HPSE2: variants seen among roughly 807,000 people sequenced by gnomAD.
HPSE2 encodes the protein inactive heparanase-2.
HPSE2 carries 38 observed loss-of-function variants against 60.5 expected under a neutral mutation model. That is an observed-to-expected ratio of 0.63 (90% confidence interval 0.48 to 0.82). The LOEUF is 0.82. Ranked by LOEUF, HPSE2 falls within the 40% of genes least tolerant of loss-of-function variation. The probability of loss-of-function intolerance (pLI) is 0.00; values close to 1 mark genes in which losing one functional copy is unlikely to be tolerated. For synonymous variants in HPSE2, 295 were observed against 293.2 expected (o/e 1.01, Z -0.06); for missense variants, 713 against 740.4 (o/e 0.96, Z 0.43).
intron 3 of HPSE2, among the ~76,000 whole-genome samples, chr10:98,987,795 G>C (rs1451188333): frequency 2.0e-5 from 3 of 152,210 alleles, no homozygotes; most frequent in East Asian, 3.9e-4. Flanking sequence ...CTTCAGCAAA[G>C]TCTCAGCATA....
chr10:98,609,594 T>A (rs1172417357), intron 9 of HPSE2, among the ~76,000 whole-genome samples: 3 of 152,230 alleles, frequency 2.0e-5, no homozygotes, highest in Non-Finnish European at 4.4e-5. Flanking sequence ...ATTTTCTACA[T>A]GTATGTATAT....
At chr10:98,794,941 G>T (rs1403562353) in intron 3 of HPSE2, among the ~76,000 whole-genome samples, 6 of 136,564 alleles carry the variant, frequency 4.4e-5, no homozygotes, top group Non-Finnish European at 7.8e-5. Flanking sequence ...TTCTTTCCTT[G>T]TTCAAAACTG....
chr10:98,864,781 C>A (rs1306343276), intron 3 of HPSE2, among the ~76,000 whole-genome samples: 2 of 152,102 alleles, frequency 1.3e-5, no homozygotes, highest in African/African-American at 4.8e-5. Flanking sequence ...ATTAAGCCTG[C>A]AAAGTTTTGC....
the HPSE2 span, among the ~76,000 whole-genome samples, chr10:99,277,782 T>C: frequency 6.6e-6 from 1 of 152,066 alleles, no homozygotes; most frequent in South Asian, 2.1e-4. Context: ...CAGCTTAACA[T>C]GTGTGGACCT....
intron 3 of HPSE2, among the ~76,000 whole-genome samples, chr10:98,874,692 T>C (rs1313173803): frequency 6.6e-6 from 1 of 152,076 alleles, no homozygotes; most frequent in Non-Finnish European, 1.5e-5. Context: ...TTGTGCCGGT[T>C]TTCAAAGGCA....
intron 9 of HPSE2, among the ~76,000 whole-genome samples, chr10:98,610,050 C>T (rs1201416708): frequency 6.6e-6 from 1 of 152,008 alleles, no homozygotes; most frequent in Non-Finnish European, 1.5e-5. Context: ...ACTATGTTAG[C>T]CAGGATGGTC....
intron 3 of HPSE2, among the ~76,000 whole-genome samples, chr10:98,992,145 G>T (rs910672887): frequency 1.3e-5 from 2 of 152,112 alleles, no homozygotes; most frequent in African/African-American, 4.8e-5. Context: ...CATATGTAAG[G>T]CAACTTTTAA....
chr10:98,818,538 T>G (rs1162714238), intron 3 of HPSE2, among the ~76,000 whole-genome samples: 1 of 152,154 alleles, frequency 6.6e-6, no homozygotes, highest in Non-Finnish European at 1.5e-5. Flanking sequence ...CATGGACCAG[T>G]ACCCCTCTGT....
intron 3 of HPSE2, among the ~76,000 whole-genome samples, chr10:98,852,113 A>ATATATATGTGTGTGTGTGTGTGTGTG (rs779720749): frequency 3.3e-5 from 3 of 91,926 alleles, no homozygotes; most frequent in Admixed American, 1.1e-4. Flanking sequence ...GTATATTATG[A>ATATATATGTGTGTGTGTGTGTGTGTG]TGTGTGTGTG....
chr10:99,302,215 T>C, the HPSE2 span, among the ~76,000 whole-genome samples: 130,463 of 152,076 alleles, frequency 0.86, 56,345 homozygotes, highest in African/African-American at 0.93. Context: ...GCCCTCCAAT[T>C]AGGAAAAGAC....
At chr10:98,613,831 G>A (rs565935881) in intron 9 of HPSE2, among the ~76,000 whole-genome samples, 1 of 152,296 alleles carries the variant, frequency 6.6e-6, no homozygotes, top group Non-Finnish European at 1.5e-5. Flanking sequence ...GAAATTCTAT[G>A]ACTTGATGAG....
intron 3 of HPSE2, among the ~76,000 whole-genome samples, chr10:99,132,163 A>G (rs1564832423): frequency 5.5e-4 from 3 of 5,432 alleles, no homozygotes; most frequent in Non-Finnish European, 2.2e-3. Context: ...GAAAGAAAGA[A>G]AGAAAGAAAG....
chr10:98,641,709 A>G (rs1408486745), intron 7 of HPSE2, 138 bp downstream of exon 7: 16 of 753,590 alleles, frequency 2.1e-5, no homozygotes, highest in Non-Finnish European at 2.9e-5. Context: ...GCTTGTGACC[A>G]TGCCCATCTA....
chr10:98,683,339 A>G (rs965712008), intron 6 of HPSE2, among the ~76,000 whole-genome samples: 3 of 151,972 alleles, frequency 2.0e-5, no homozygotes, highest in Admixed American at 6.6e-5. Context: ...AGGAAATAAC[A>G]GTAATTCAGG....
intron 9 of HPSE2, among the ~76,000 whole-genome samples, chr10:98,530,970 C>T (rs1376490253): frequency 6.6e-6 from 1 of 152,150 alleles, no homozygotes; most frequent in Non-Finnish European, 1.5e-5. Flanking sequence ...TCTCTACTCC[C>T]CTCCCTGCCT....
intron 7 of HPSE2, among the ~76,000 whole-genome samples, chr10:98,628,785 G>T (rs973499187): frequency 1.3e-5 from 2 of 151,962 alleles, no homozygotes; most frequent in African/African-American, 4.8e-5. Flanking sequence ...CAGGGCTGGG[G>T]ACTATGAGTA....
chr10:99,188,163 T>TA (rs1848096986), intron 2 of HPSE2, among the ~76,000 whole-genome samples: 1 of 152,100 alleles, frequency 6.6e-6, no homozygotes, highest in Admixed American at 6.6e-5. Context: ...TAATAATACT[T>TA]ACAATAAAAA....
chr10:99,243,482 AG>A, the HPSE2 span, among the ~76,000 whole-genome samples: 1 of 152,138 alleles, frequency 6.6e-6, no homozygotes, highest in Admixed American at 6.5e-5. Flanking sequence ...TTAATATCCT[AG>A]GGGTAAAAAA....
At chr10:98,742,312 G>T (rs1202297972) in intron 4 of HPSE2, among the ~76,000 whole-genome samples, 2 of 152,154 alleles carry the variant, frequency 1.3e-5, no homozygotes, top group African/African-American at 4.8e-5. Flanking sequence ...TGGTAGGAAA[G>T]TTGGACATTT....
Sources: allele counts gnomAD v4.1 joint callset (sites outside exome capture counted in the v4.1 genomes callset), GRCh38; gene constraint gnomAD v4.1.1; transcripts MANE v1.5; gene names NCBI Gene and HGNC (gene_info 2026-07-23, HGNC 2026-07-21).